Variants in DMRT1 observed in about 807,000 individuals in gnomAD.
DMRT1 encodes doublesex and mab-3 related transcription factor 1, also known as doublesex- and mab-3-related transcription factor 1.
In DMRT1, 7 loss-of-function variants were observed where a neutral mutation model predicts 32.3. The observed-to-expected ratio is 0.22, with a 90% CI of 0.12 to 0.41. The LOEUF (loss-of-function observed/expected upper bound fraction) is 0.41, where lower values mean the gene tolerates loss of function less well. DMRT1 is among the 10% of genes least tolerant of loss of function. The pLI is 1.00. For synonymous variants in DMRT1, 278 were observed against 206.1 expected (o/e 1.35, Z -2.99); for missense variants, 625 against 500.5 (o/e 1.25, Z -2.37).
chr9:845,335 G>C lies in DMRT1; in HGVS notation c.355-1625G>C, dbSNP rs563209609. Among the ~76,000 whole-genome samples, 434 of 152,014 alleles carry C rather than the reference G, an allele frequency of 2.9e-3. 10 individuals carry two copies. Among genetic ancestry groups the C allele is most frequent in the Non-Finnish European group, 6.8e-4 (46 of 68,000 alleles). On this transcript the variant is annotated intron_variant, in intron 1 of 4. Coordinates refer to ENST00000382276, the MANE Select transcript of DMRT1 (RefSeq NM_021951.3). ...AGTAATTCTCCTCTCGGCCTCCTGA[G>C]TACCTGGGATTACAGGCGCACACCA...
chr9:906,020 GACACACACACCC>G (rs1177145921), intron 3 of DMRT1, among the ~76,000 whole-genome samples: 2 of 48,098 alleles, frequency 4.2e-5, no homozygotes, highest in Non-Finnish European at 1.3e-4. Flanking sequence ...ATGCTTCTGT[GACACACACACCC>G]ACACACACAC....
At chr9:918,882 A>G (rs553371373) in intron 4 of DMRT1, among the ~76,000 whole-genome samples, 1 of 152,336 alleles carries the variant, frequency 6.6e-6, no homozygotes, top group African/African-American at 2.4e-5. Flanking sequence ...ATTTTTACAA[A>G]GCAAGTGGGA....
intron 4 of DMRT1, among the ~76,000 whole-genome samples, chr9:920,975 G>A (rs112061144): frequency 6.6e-6 from 1 of 152,158 alleles, no homozygotes; most frequent in African/African-American, 2.4e-5. Context: ...ATTGGGGCTT[G>A]TATTTTTTGT....
intron 3 of DMRT1, among the ~76,000 whole-genome samples, chr9:913,595 TA>T (rs1020957455): frequency 2.8e-5 from 4 of 144,174 alleles, no homozygotes; most frequent in African/African-American, 8.6e-5. Flanking sequence ...AAGCAACTGG[TA>T]ATTTTTTTTT....
At chr9:921,158 A>G (rs1293520922) in intron 4 of DMRT1, among the ~76,000 whole-genome samples, 2 of 151,818 alleles carry the variant, frequency 1.3e-5, no homozygotes, top group East Asian at 3.9e-4. Context: ...GAAACCCCCC[A>G]TCCTCCCTCC....
intron 3 of DMRT1, among the ~76,000 whole-genome samples, chr9:902,127 C>G (rs1022907836): frequency 6.6e-6 from 1 of 151,546 alleles, no homozygotes. Context: ...CCAGGCTGGT[C>G]TCAAACTCCT....
intron 2 of DMRT1, among the ~76,000 whole-genome samples, chr9:881,932 G>C (rs1816750353): frequency 6.6e-6 from 1 of 152,220 alleles, no homozygotes; most frequent in Non-Finnish European, 1.5e-5. Flanking sequence ...AGGACATTCT[G>C]AATTGGCCTA....
intron 3 of DMRT1, among the ~76,000 whole-genome samples, chr9:903,565 G>A (rs1013927518): frequency 6.6e-6 from 1 of 152,202 alleles, no homozygotes; most frequent in Non-Finnish European, 1.5e-5. Flanking sequence ...AATTTTCCCA[G>A]TGGCTCTTTG....
At chr9:869,423 C>T (rs1187174026) in intron 2 of DMRT1, among the ~76,000 whole-genome samples, 1 of 152,224 alleles carries the variant, frequency 6.6e-6, no homozygotes. Context: ...GAATTACCTT[C>T]CCTTTGGAAT....
At chr9:906,780 T>C (rs1024041498) in intron 3 of DMRT1, among the ~76,000 whole-genome samples, 1 of 152,238 alleles carries the variant, frequency 6.6e-6, no homozygotes, top group African/African-American at 2.4e-5. Flanking sequence ...AGTAGGTCTT[T>C]ATACTAAGCA....
intron 4 of DMRT1, among the ~76,000 whole-genome samples, chr9:964,915 C>A (rs1353233556): frequency 2.0e-5 from 3 of 152,312 alleles, no homozygotes; most frequent in South Asian, 4.1e-4. Context: ...TAGGAGTTAG[C>A]ATTTTTACAA....
chr9:951,929 G>C (rs1276778046), intron 4 of DMRT1, among the ~76,000 whole-genome samples: 2 of 152,156 alleles, frequency 1.3e-5, no homozygotes, highest in East Asian at 1.9e-4. Context: ...AGGAAGGGAG[G>C]GGGGCCAGTG....
chr9:902,283 A>AT (rs1817617071), intron 3 of DMRT1, among the ~76,000 whole-genome samples: 2 of 149,766 alleles, frequency 1.3e-5, no homozygotes, highest in African/African-American at 4.9e-5. Context: ...TTATTCAGCA[A>AT]TGTAAAAAGT....
intron 3 of DMRT1, among the ~76,000 whole-genome samples, chr9:914,820 A>C (rs964808004): frequency 6.6e-6 from 1 of 152,182 alleles, no homozygotes; most frequent in Non-Finnish European, 1.5e-5. Context: ...GATCAAAAAT[A>C]AATTCCTTGA....
intron 2 of DMRT1, among the ~76,000 whole-genome samples, chr9:882,596 C>T (rs1459152418): frequency 1.3e-5 from 2 of 152,038 alleles, no homozygotes; most frequent in Non-Finnish European, 1.5e-5. Context: ...TGGGCTTTGA[C>T]ACTCTGGGCT....
rs1838685413 is a variant in DMRT1, at chr9:841,702, A to C, written c.-137A>C. The C allele has an allele frequency of 2.0e-6, 3 of 1,525,618 alleles. No homozygotes were observed. Among genetic ancestry groups the C allele is most frequent in the Non-Finnish European group, 2.6e-6 (3 of 1,132,752 alleles). The allele number at this position is 1,525,618 out of a possible 1,614,324, so 94.5% of individuals were successfully genotyped here. A position where few individuals can be genotyped will look rare whatever the true frequency, so the allele number is the denominator to read the frequency against. ...TGGCGTGCCCAGACCTCGCCACTCC[A>C]GCTGCGCCTCCGGCTGCAGCGCACA... On this transcript the variant is annotated 5_prime_UTR_variant, in exon 1 of 5. Transcript: ENST00000382276.
At chr9:961,477 G>A (rs184937658) in intron 4 of DMRT1, among the ~76,000 whole-genome samples, 25 of 152,256 alleles carry the variant, frequency 1.6e-4, no homozygotes, top group Admixed American at 1.4e-3. Flanking sequence ...TTGCTTGATC[G>A]TGGGATAATA....
At chr9:930,331 C>G (rs1359534903) in intron 4 of DMRT1, among the ~76,000 whole-genome samples, 1 of 150,170 alleles carries the variant, frequency 6.7e-6, no homozygotes, top group Non-Finnish European at 1.5e-5. Flanking sequence ...TTCCTTGGCT[C>G]AAGTGATCCT....
intron 3 of DMRT1, among the ~76,000 whole-genome samples, chr9:900,766 C>T (rs1046820291): frequency 2.6e-5 from 4 of 151,710 alleles, no homozygotes; most frequent in African/African-American, 9.7e-5. Flanking sequence ...CTCACTGCAG[C>T]CTCCAACTCC....
Sources: gnomAD v4.1 joint callset for allele counts (sites outside exome capture counted in the v4.1 genomes callset) on GRCh38, gnomAD v4.1.1 for gene constraint, MANE v1.5 for transcripts, NCBI Gene and HGNC (gene_info 2026-07-23, HGNC 2026-07-21) for gene names.